Variants in KIAA1328 observed in about 807,000 individuals in gnomAD.
The protein encoded by KIAA1328 is KIAA1328.
Under a neutral mutation model 68.1 loss-of-function variants are expected in KIAA1328, and 52 were observed. That is an observed-to-expected ratio of 0.76 (90% confidence interval 0.61 to 0.96). KIAA1328 has a LOEUF of 0.96. Ranked by LOEUF, KIAA1328 falls within the 40% of genes least tolerant of loss-of-function variation. The pLI is 0.00. For synonymous variants in KIAA1328, 232 were observed against 239.4 expected, an observed-to-expected ratio of 0.97 and a Z score of 0.28; for missense variants, 641 against 677.6, an observed-to-expected ratio of 0.95 and a Z score of 0.60.
chr18:36,996,630 GAA>G (rs2053402392), intron 6 of KIAA1328, among the ~76,000 whole-genome samples: 2 of 152,076 alleles, frequency 1.3e-5, no homozygotes, highest in African/African-American at 4.8e-5. Context: ...AAGAAGAAGT[GAA>G]TAAATGGGGA....
chr18:37,033,512 A>C (rs1336779233), intron 6 of KIAA1328, among the ~76,000 whole-genome samples: 1 of 152,206 alleles, frequency 6.6e-6, no homozygotes, highest in Non-Finnish European at 1.5e-5. Flanking sequence ...TCTCAGTAAG[A>C]TCGAGTGTCC....
chr18:37,035,666 C>A (rs2054997916), intron 6 of KIAA1328, among the ~76,000 whole-genome samples: 1 of 152,148 alleles, frequency 6.6e-6, no homozygotes, highest in South Asian at 2.1e-4. Context: ...CGAATCTCTT[C>A]CCGTATTATA....
At chr18:37,080,672 G>A (rs1208878356) in intron 7 of KIAA1328, among the ~76,000 whole-genome samples, 16 of 151,806 alleles carry the variant, frequency 1.1e-4, no homozygotes, top group African/African-American at 3.9e-4. Flanking sequence ...CTACTCGGGA[G>A]GCTGAGGCAG....
intron 7 of KIAA1328, among the ~76,000 whole-genome samples, chr18:37,112,535 C>T (rs2057964141): frequency 6.6e-6 from 1 of 152,168 alleles, no homozygotes; most frequent in South Asian, 2.1e-4. Context: ...GTAGATAAAA[C>T]CACAAAGATG....
rs1452475272 is a variant in KIAA1328, at chr18:37,224,451, A to G, written c.*2224A>G. The G allele has an allele frequency of 3.0e-6, 3 of 985,268 alleles. No homozygotes were observed. In the African/African-American group the frequency reaches 5.2e-5, roughly 17 times the overall value. 61.0% of individuals were successfully genotyped at this position (985,268 alleles called of 1,614,324 possible). On this transcript the variant is annotated 3_prime_UTR_variant, in exon 10 of 10. Coordinates refer to ENST00000280020, the MANE Select transcript of KIAA1328 (RefSeq NM_020776.3). ...CAACCAATACATTTTTCACATGCAA[A>G]ACTCATCACCAGTTGCCTTTTTCTA...
intron 7 of KIAA1328, among the ~76,000 whole-genome samples, chr18:37,082,815 G>A (rs2151804653): frequency 6.6e-6 from 1 of 152,240 alleles, no homozygotes; most frequent in East Asian, 1.9e-4. Flanking sequence ...ATTCATGATT[G>A]TGCCAAGAAC....
intron 7 of KIAA1328, among the ~76,000 whole-genome samples, chr18:37,107,481 A>T (rs899717293): frequency 2.0e-5 from 3 of 152,178 alleles, no homozygotes; most frequent in Non-Finnish European, 4.4e-5. Context: ...TGATCCTTCC[A>T]GCCCATGAGC....
intron 5 of KIAA1328, among the ~76,000 whole-genome samples, chr18:36,937,831 G>T (rs4300726): frequency 0.99 from 150,368 of 152,234 alleles, 74,280 homozygotes; most frequent in East Asian, 1. Flanking sequence ...GAGATGTACT[G>T]TTTTAGCTCC....
chr18:36,839,041 A>G (rs2046773319), intron 3 of KIAA1328, among the ~76,000 whole-genome samples: 1 of 152,008 alleles, frequency 6.6e-6, no homozygotes, highest in African/African-American at 2.4e-5. Flanking sequence ...CCTACCTTGG[A>G]GTAATTTTTA....
At chr18:36,933,227 G>A (rs559051688) in intron 5 of KIAA1328, among the ~76,000 whole-genome samples, 18 of 151,958 alleles carry the variant, frequency 1.2e-4, no homozygotes, top group African/African-American at 3.9e-4. Context: ...TTCTATAAAC[G>A]TATATGTATC....
intron 7 of KIAA1328, among the ~76,000 whole-genome samples, chr18:37,079,669 C>T (rs1369297403): frequency 6.6e-6 from 1 of 151,690 alleles, no homozygotes; most frequent in Non-Finnish European, 1.5e-5. Context: ...TGGTGGATCA[C>T]CTGGGATCAG....
chr18:36,918,165 T>TC (rs928570003), intron 5 of KIAA1328, among the ~76,000 whole-genome samples: 17 of 151,990 alleles, frequency 1.1e-4, no homozygotes, highest in African/African-American at 3.6e-4. Context: ...TAATAAATAT[T>TC]CCCCCCCTTT....
At chr18:37,004,451 T>C (rs1193201015) in intron 6 of KIAA1328, among the ~76,000 whole-genome samples, 2 of 152,060 alleles carry the variant, frequency 1.3e-5, no homozygotes, top group African/African-American at 4.8e-5. Flanking sequence ...GCTAAGGACA[T>C]GAATAGACAA....
At chr18:37,029,579 C>A (rs569802054) in intron 6 of KIAA1328, among the ~76,000 whole-genome samples, 61 of 152,142 alleles carry the variant, frequency 4.0e-4, no homozygotes, top group South Asian at 1.5e-3. Flanking sequence ...TTGCCAGGTA[C>A]GTGTCAAGTT....
intron 7 of KIAA1328, among the ~76,000 whole-genome samples, chr18:37,083,352 A>G (rs2057007264): frequency 6.6e-6 from 1 of 152,222 alleles, no homozygotes; most frequent in Admixed American, 6.5e-5. Flanking sequence ...AATTATAGGC[A>G]TGTCTTTTGA....
chr18:37,174,836 GT>G (rs577136813), intron 9 of KIAA1328, among the ~76,000 whole-genome samples: 33 of 151,738 alleles, frequency 2.2e-4, no homozygotes, highest in Non-Finnish European at 4.1e-4. Flanking sequence ...CTTGTGATCT[GT>G]TTTTTTGGTA....
At chr18:37,114,405 G>C (rs533930266) in intron 7 of KIAA1328, among the ~76,000 whole-genome samples, 2 of 152,328 alleles carry the variant, frequency 1.3e-5, no homozygotes, top group African/African-American at 4.8e-5. Context: ...GCTCCTGAGT[G>C]ACTACTGGGT....
chr18:36,903,175 A>T (rs1409370861), intron 5 of KIAA1328, among the ~76,000 whole-genome samples: 1 of 152,084 alleles, frequency 6.6e-6, no homozygotes, highest in Non-Finnish European at 1.5e-5. Context: ...TGGTATATTC[A>T]TGTTTTTCAT....
chr18:37,008,862 A>T (rs1178978694), intron 6 of KIAA1328, among the ~76,000 whole-genome samples: 1 of 152,184 alleles, frequency 6.6e-6, no homozygotes, highest in Non-Finnish European at 1.5e-5. Context: ...ATACAGTCTT[A>T]AGAAGGGGAA....
Sources: allele counts gnomAD v4.1 joint callset (sites outside exome capture counted in the v4.1 genomes callset), GRCh38; gene constraint gnomAD v4.1.1; transcripts MANE v1.5; gene names NCBI Gene and HGNC (gene_info 2026-07-23, HGNC 2026-07-21).